The following PIK3C3 variants were observed in gnomAD, a reference collection of about 807,000 sequenced individuals.
PIK3C3 encodes the protein PI3-kinase type 3.
PIK3C3 carries 95 observed loss-of-function variants against 126.1 expected under a neutral mutation model. The ratio of observed to expected loss-of-function variants is 0.75; its 90% CI spans 0.64 to 0.89. PIK3C3 has a LOEUF of 0.89. Ranked by LOEUF, PIK3C3 falls within the 40% of genes least tolerant of loss-of-function variation. The pLI, the probability that PIK3C3 is intolerant of heterozygous loss-of-function variation, is 0.00. For synonymous variants in PIK3C3, 374 were observed against 360.0 expected, an observed-to-expected ratio of 1.04 and a Z score of -0.44; for missense variants, 829 against 1,063.2, an observed-to-expected ratio of 0.78 and a Z score of 3.06.
chr18:41,965,273 C>T (rs1184103730), intron 3 of PIK3C3, among the ~76,000 whole-genome samples: 1 of 152,174 alleles, frequency 6.6e-6, no homozygotes, highest in East Asian at 1.9e-4. Context: ...CTCATAAAAA[C>T]ACCTGCGTTA....
At chr18:42,054,166 A>ATCTATC (rs1984947249) in intron 21 of PIK3C3, among the ~76,000 whole-genome samples, 1 of 46,832 alleles carries the variant, frequency 2.1e-5, no homozygotes, top group Non-Finnish European at 4.2e-5. Flanking sequence ...ATATATATAT[A>ATCTATC]TATATATATA....
At chr18:42,035,597 G>A (rs963539509) in intron 16 of PIK3C3, among the ~76,000 whole-genome samples, 2 of 152,020 alleles carry the variant, frequency 1.3e-5, no homozygotes, top group Non-Finnish European at 2.9e-5. Flanking sequence ...TAGAGTTTAG[G>A]AATAATGGTT....
intron 19 of PIK3C3, among the ~76,000 whole-genome samples, chr18:42,041,655 A>C (rs1984329182): frequency 6.6e-6 from 1 of 151,796 alleles, no homozygotes; most frequent in African/African-American, 2.4e-5. Flanking sequence ...GATAATACAC[A>C]GAAGGGCTTG....
chr18:41,957,825 T>TATA (rs1442525655), intron 2 of PIK3C3, 67 bp downstream of exon 2: 1 of 1,210,058 alleles, frequency 8.3e-7, no homozygotes, highest in East Asian at 2.4e-5. Flanking sequence ...ATGCTGCAAG[T>TATA]ATAATTTAGT....
In PIK3C3 at chr18:42,049,975, GA is replaced by G. The variant is rs1205934658; in HGVS notation, c.2263+387del. On this transcript the variant is annotated intron_variant, in intron 21 of 24. Coordinates refer to ENST00000262039, the MANE Select transcript of PIK3C3 (RefSeq NM_002647.4). Reference sequence around the variant, plus strand: ...GCAACAAGATCAAAACGCCATCTTAGAAAAAAAAAAAAAAAAAGATGAGTTG... The same window carrying G: ...GCAACAAGATCAAAACGCCATCTTAGAAAAAAAAAAAAAAAAGATGAGTTG... The G allele has an allele frequency of 8.0e-3, 1,035 of 128,832 alleles. 6 individuals are homozygous for G. The highest frequency in any genetic ancestry group is 0.01 in the Non-Finnish European group (582 of 56,108). The allele number at this position is 128,832 out of a possible 1,614,324, so 8.0% of individuals were successfully genotyped here. A position where few individuals can be genotyped will look rare whatever the true frequency, so the allele number is the denominator to read the frequency against.
intron 4 of PIK3C3, among the ~76,000 whole-genome samples, chr18:41,983,710 C>G (rs948622696): frequency 1.3e-5 from 2 of 152,134 alleles, no homozygotes; most frequent in African/African-American, 2.4e-5. Context: ...TATTCTTACA[C>G]AGTGCAGCAA....
chr18:41,962,434 A>G, intron 2 of PIK3C3, 55 bp from the exon 3 acceptor site: 1 of 1,323,722 alleles, frequency 7.6e-7, no homozygotes, highest in Non-Finnish European at 9.8e-7. Flanking sequence ...TTGTTAATTT[A>G]AAAGAAAGAT....
At chr18:42,053,362 C>T (rs548749411) in intron 21 of PIK3C3, among the ~76,000 whole-genome samples, 1 of 152,270 alleles carries the variant, frequency 6.6e-6, no homozygotes, top group East Asian at 1.9e-4. Context: ...GAAGTTTACT[C>T]AGCTTGCACA....
rs576448311 is a variant in PIK3C3, at chr18:42,038,498, C to T, written c.1969-283C>T. On this transcript the variant is annotated intron_variant, in intron 17 of 24. Transcript: ENST00000262039. ...TTGGGACTACAGGCATGCACCACCA[C>T]GCCCAGCTAATTTTTTGTATTTTTT... Among the ~76,000 whole-genome samples the T allele has an allele frequency of 2.1e-4, 32 of 152,018 alleles. 1 individual carries two copies. The highest frequency in any genetic ancestry group is 7.0e-4 in the African/African-American group (29 of 41,440).
At chr18:41,987,936 GTA>G (rs1981577522) in intron 5 of PIK3C3, 38 bp downstream of exon 5, 1 of 1,247,910 alleles carries the variant, frequency 8.0e-7, no homozygotes, top group Non-Finnish European at 1.1e-6. Context: ...AATATTTTCT[GTA>G]AATTTTTAAA....
intron 2 of PIK3C3, among the ~76,000 whole-genome samples, chr18:41,961,982 T>C (rs1598845869): frequency 6.6e-6 from 1 of 152,210 alleles, no homozygotes; most frequent in East Asian, 1.9e-4. Flanking sequence ...AGAAGTCACA[T>C]ATCTGTCTGG....
chr18:42,020,165 C>G (rs1238767745), intron 12 of PIK3C3, among the ~76,000 whole-genome samples: 1 of 152,104 alleles, frequency 6.6e-6, no homozygotes, highest in African/African-American at 2.4e-5. Flanking sequence ...AATCCATACT[C>G]AATAATAATG....
At chr18:42,049,675 C>G in intron 21 of PIK3C3, 70 bp downstream of exon 21, 3 of 1,242,958 alleles carry the variant, frequency 2.4e-6, no homozygotes, top group Non-Finnish European at 3.6e-6. Flanking sequence ...AATCTATGTA[C>G]TAACAAGATA....
At chr18:42,064,943 C>G in intron 23 of PIK3C3, 113 bp downstream of exon 23, 1 of 615,530 alleles carries the variant, frequency 1.6e-6, no homozygotes, top group Non-Finnish European at 3.0e-6. Context: ...CTTGTTCCTG[C>G]CCACAGTCAC....
chr18:42,037,071 A>G (rs1419670692), intron 16 of PIK3C3, among the ~76,000 whole-genome samples: 2 of 152,188 alleles, frequency 1.3e-5, no homozygotes, highest in African/African-American at 4.8e-5. Context: ...GCCCTAAAAT[A>G]TTTTATTATG....
intron 6 of PIK3C3, among the ~76,000 whole-genome samples, chr18:41,992,419 C>G (rs1327863229): frequency 6.6e-6 from 1 of 152,160 alleles, no homozygotes; most frequent in Non-Finnish European, 1.5e-5. Context: ...CAGTGCTTCC[C>G]CGCTTTCAGT....
intron 2 of PIK3C3, 151 bp from the exon 3 acceptor site, chr18:41,962,338 C>T (rs184240650): frequency 2.1e-6 from 1 of 476,118 alleles, no homozygotes; most frequent in African/African-American, 2.0e-5. Context: ...TTGCCTTTAG[C>T]AAAATTGAGG....
chr18:41,999,482 G>A (rs1004157846), intron 9 of PIK3C3, among the ~76,000 whole-genome samples: 1 of 152,126 alleles, frequency 6.6e-6, no homozygotes. Flanking sequence ...GTGACATGAG[G>A]ACAATCATCA....
intron 22 of PIK3C3, among the ~76,000 whole-genome samples, chr18:42,063,259 C>A (rs752880527): frequency 6.6e-6 from 1 of 151,886 alleles, no homozygotes; most frequent in Admixed American, 6.6e-5. Context: ...TAGTTTACAC[C>A]CTCCTCCAGA....
Sources: gnomAD v4.1 joint callset for allele counts (sites outside exome capture counted in the v4.1 genomes callset) on GRCh38, gnomAD v4.1.1 for gene constraint, MANE v1.5 for transcripts, NCBI Gene and HGNC (gene_info 2026-07-23, HGNC 2026-07-21) for gene names.